Variants in TGIF1 observed in about 807,000 individuals in gnomAD.
The protein encoded by TGIF1 is TGFB induced factor homeobox 1, also known as homeobox protein TGIF1.
A neutral mutation model predicts 19.3 loss-of-function variants in TGIF1; 4 were observed. The ratio of observed to expected loss-of-function variants is 0.21; its 90% CI spans 0.10 to 0.47. TGIF1 has a LOEUF of 0.47. Ranked by LOEUF, TGIF1 falls within the 20% of genes least tolerant of loss-of-function variation. The pLI, the probability that TGIF1 is intolerant of heterozygous loss-of-function variation, is 0.98. For synonymous variants in TGIF1, 122 were observed against 129.3 expected (o/e 0.94, Z 0.38); for missense variants, 275 against 341.4 (o/e 0.81, Z 1.53).
intron 1 of TGIF1, among the ~76,000 whole-genome samples, chr18:3,415,954 A>G (rs2082326972): frequency 6.6e-6 from 1 of 152,254 alleles, no homozygotes; most frequent in Non-Finnish European, 1.5e-5. Flanking sequence ...TACCAAAGCT[A>G]CAGTTTGAGA....
chr18:3,448,134 G>C, upstream of TGIF1: 1 of 985,160 alleles, frequency 1.0e-6, no homozygotes, highest in Non-Finnish European at 1.2e-6. Flanking sequence ...TTCGAAAGCG[G>C]CCGAGGCAGC....
chr18:3,431,039 T>G (rs1439726019), intron 2 of TGIF1, among the ~76,000 whole-genome samples: 3 of 152,104 alleles, frequency 2.0e-5, no homozygotes, highest in African/African-American at 4.8e-5. Context: ...CATTTTGTTA[T>G]GCCAGAAAAT....
At chr18:3,430,647 G>C (rs2082534877) in intron 2 of TGIF1, among the ~76,000 whole-genome samples, 1 of 151,440 alleles carries the variant, frequency 6.6e-6, no homozygotes, top group African/African-American at 2.4e-5. Flanking sequence ...TGGGACTACA[G>C]GCCCATGCCA....
intron 2 of TGIF1, among the ~76,000 whole-genome samples, chr18:3,420,082 A>G (rs912208886): frequency 7.9e-5 from 12 of 152,198 alleles, no homozygotes; most frequent in Non-Finnish European, 2.9e-5. Context: ...ATGCTCAATT[A>G]AAATCAAACA....
chr18:3,433,058 C>T (rs1426767962), intron 2 of TGIF1, among the ~76,000 whole-genome samples: 6 of 150,882 alleles, frequency 4.0e-5, no homozygotes, highest in Non-Finnish European at 8.8e-5. Context: ...TGCGCCTGGC[C>T]TTCTTCTTCT....
chr18:3,449,538 T>TTCCCCCCCCCCC, upstream of TGIF1: 22 of 961,938 alleles, frequency 2.3e-5, no homozygotes, highest in South Asian at 4.9e-5. Flanking sequence ...GTCTCATCAT[T>TTCCCCCCCCCCC]CCCCCCCGCC....
At position 3,451,804 on chromosome 18, in the gene TGIF1, G is replaced by A; in HGVS notation, c.16+1299G>A. 1 of 1,295,574 alleles carries A rather than the reference G, an allele frequency of 7.7e-7. No individual in the cohort carries two copies. Among genetic ancestry groups the A allele is most frequent in the East Asian group, 3.0e-5 (1 of 33,786 alleles). The allele number at this position is 1,295,574 out of a possible 1,614,324, so 80.3% of individuals were successfully genotyped here. On this transcript the variant is annotated intron_variant, in intron 1 of 2. Transcript: ENST00000343820. This position sits in a 1 kb window ranked among gnomAD's most constrained non-coding sequence, Gnocchi z 5.4. ...GAACGCCCTAAGGACCCCTCCCCGC[G>A]GGACGGAGGGAGGACTCGGGACAGG...
At chr18:3,439,727 A>G (rs947769877) in intron 2 of TGIF1, among the ~76,000 whole-genome samples, 1 of 152,028 alleles carries the variant, frequency 6.6e-6, no homozygotes, top group Non-Finnish European at 1.5e-5. Flanking sequence ...GAGAAAAGAA[A>G]AATAGGAATG....
At chr18:3,449,076 C>A (rs759967253), upstream of TGIF1, among the ~76,000 whole-genome samples, 3 of 152,102 alleles carry the variant, frequency 2.0e-5, no homozygotes, top group African/African-American at 7.2e-5. Flanking sequence ...AGGGGGCATG[C>A]GTTTCTTCAA....
Position 3,433,002 on chromosome 18 carries a change from G to A in TGIF1, c.-45+14787G>A, listed in dbSNP as rs560487161. Reference sequence around the variant, plus strand: ...TCGAACTCCCGACCTCAGGTCATCCGCCCGGCTTGGCCTCCCAAAGAGCTG... The same window carrying A: ...TCGAACTCCCGACCTCAGGTCATCCACCCGGCTTGGCCTCCCAAAGAGCTG... On this transcript the variant is annotated intron_variant, in intron 2 of 3. Transcript: ENST00000401449. 1.4e-4 allele frequency among the ~76,000 whole-genome samples: 22 copies of A among 151,994 alleles called. No individual in the cohort carries two copies. In the South Asian group the frequency reaches 1.9e-3, roughly 13 times the overall value.
At chr18:3,447,339 TA>T (rs11421150), upstream of TGIF1, among the ~76,000 whole-genome samples, 3,190 of 141,580 alleles carry the variant, frequency 0.023, 86 homozygotes, top group African/African-American at 0.065. Context: ...CTATATACTT[TA>T]AAAAAAAAAA....
At position 3,422,402 on chromosome 18, in the gene TGIF1, G is replaced by A. The variant is rs36078352; in HGVS notation, c.-45+4187G>A. 3.3e-3 allele frequency among the ~76,000 whole-genome samples: 492 copies of A among 150,812 alleles called. 8 individuals carry two copies. The highest frequency in any genetic ancestry group is 0.029 in the Admixed American group (439 of 15,152). On this transcript the variant is annotated intron_variant, in intron 2 of 3. Transcript: ENST00000401449. The stretch of plus-strand genomic sequence containing the variant: ...AGCTGTACAGTGTGCTTGTTTTTAG[G>A]CTTAGTGTTGTGACAAAGTCAAAAA...
chr18:3,452,212 C>T (rs1338679642), intron 1 of TGIF1: 6 of 1,587,938 alleles, frequency 3.8e-6, no homozygotes, highest in Middle Eastern at 1.7e-4. Context: ...CTGGGGTCCT[C>T]CTGCGCCCCC....
chr18:3,452,529 C>G, intron 1 of TGIF1: 2 of 1,244,402 alleles, frequency 1.6e-6, no homozygotes, highest in Non-Finnish European at 2.3e-6. Context: ...GTGGGATTCA[C>G]GGCCTCATTT....
chr18:3,448,531 C>G, upstream of TGIF1: 4 of 989,178 alleles, frequency 4.0e-6, no homozygotes, highest in Non-Finnish European at 4.8e-6. Context: ...TCCCCCCGAG[C>G]CGTTTTAGGT....
intron 1 of TGIF1, chr18:3,412,386 A>G (rs1216584078): frequency 6.6e-6 from 1 of 152,136 alleles, no homozygotes; most frequent in African/African-American, 2.4e-5. Flanking sequence ...ACTAGTGGGA[A>G]GCTGAACTTC....
chr18:3,445,935 C>T (rs942409846), upstream of TGIF1, among the ~76,000 whole-genome samples: 1 of 151,880 alleles, frequency 6.6e-6, no homozygotes, highest in Non-Finnish European at 1.5e-5. Flanking sequence ...TCTGAAATGA[C>T]AAGATTTCCC....
chr18:3,450,193 G>A lies in TGIF1; in HGVS notation c.-297G>A. On this transcript the variant is annotated 5_prime_UTR_variant, in exon 1 of 3. Transcript: ENST00000343820. ...TCTCACTCTGACAGCGCCGAGGTGC[G>A]CCGAGCAGGAGCAGGGAACAAAGGA... 7.4e-7 allele frequency: 1 copy of A among 1,352,130 alleles called. No individual in the cohort carries two copies. The allele number at this position is 1,352,130 out of a possible 1,614,324, so 83.8% of individuals were successfully genotyped here.
At chr18:3,455,502 T>C (rs1176832323) in intron 1 of TGIF1, 2 of 152,238 alleles carry the variant, frequency 1.3e-5, no homozygotes, top group African/African-American at 2.4e-5. Flanking sequence ...ACTCTGCTTA[T>C]TGATATGTAG....
Sources: allele counts gnomAD v4.1 joint callset (sites outside exome capture counted in the v4.1 genomes callset), GRCh38; gene constraint gnomAD v4.1.1; non-coding constraint Gnocchi (gnomAD v3.1); transcripts MANE v1.5; gene names NCBI Gene and HGNC (gene_info 2026-07-23, HGNC 2026-07-21).